CCDC85C: variants seen among roughly 807,000 people sequenced by gnomAD.
CCDC85C encodes coiled-coil domain containing 85C.
In CCDC85C, 18 loss-of-function variants were observed where a neutral mutation model predicts 38.3. The ratio of observed to expected loss-of-function variants is 0.47; its 90% CI spans 0.33 to 0.70. The LOEUF (loss-of-function observed/expected upper bound fraction) is 0.70. CCDC85C is among the 30% of genes least tolerant of loss of function. The probability of loss-of-function intolerance (pLI) is 0.03; values close to 1 mark genes in which losing one functional copy is unlikely to be tolerated. For missense variants in CCDC85C, 566 were observed against 621.2 expected, an observed-to-expected ratio of 0.91 and a Z score of 0.94; for synonymous variants, 264 against 293.8, an observed-to-expected ratio of 0.90 and a Z score of 1.04.
At chr14:99,528,679 C>T (rs944182360) in intron 2 of CCDC85C, among the ~76,000 whole-genome samples, 8 of 152,238 alleles carry the variant, frequency 5.3e-5, no homozygotes, top group African/African-American at 1.2e-4. Context: ...GGGGGATGCA[C>T]GCCCTATCTG....
Position 99,569,689 on chromosome 14 carries a change from T to C in CCDC85C, c.793+33478A>G, listed in dbSNP as rs1391733420. Among the ~76,000 whole-genome samples the C allele has an allele frequency of 1.3e-5, 2 of 152,150 alleles. No homozygotes were observed. Among genetic ancestry groups the C allele is most frequent in the Non-Finnish European group, 2.9e-5 (2 of 68,034 alleles). ...GGCAACCTCATCAGCACTTGAGACA[T>C]TGCTAGTTCTTTGCACCTCTGCTTC... is the stretch of plus-strand genomic sequence containing the variant. On this transcript the variant is annotated intron_variant, in intron 1 of 5. Transcript: ENST00000380243. This position sits in a 1 kb window ranked among gnomAD's most constrained non-coding sequence, Gnocchi z 4.3.
At chr14:99,543,970 C>T (rs1380211145) in intron 1 of CCDC85C, among the ~76,000 whole-genome samples, 5 of 152,200 alleles carry the variant, frequency 3.3e-5, no homozygotes. Flanking sequence ...TCAGCGATGC[C>T]TTCCAGTGCC....
At chr14:99,543,799 G>A (rs79222821) in intron 1 of CCDC85C, among the ~76,000 whole-genome samples, 2,258 of 152,246 alleles carry the variant, frequency 0.015, 45 homozygotes, top group African/African-American at 0.05. Context: ...AATGTGAAAC[G>A]GGCATTATTT....
At chr14:99,573,826 C>A (rs1178039284) in intron 1 of CCDC85C, among the ~76,000 whole-genome samples, 7 of 152,188 alleles carry the variant, frequency 4.6e-5, no homozygotes, top group African/African-American at 1.4e-4. Flanking sequence ...CCCTGCCCTG[C>A]AGAAGCCTGG....
At chr14:99,568,589 G>A (rs4516163) in intron 1 of CCDC85C, among the ~76,000 whole-genome samples, 43,118 of 151,982 alleles carry the variant, frequency 0.28, 6,778 homozygotes, top group East Asian at 0.53. Context: ...AGACGTGGCC[G>A]CTGGACCCAG....
intron 1 of CCDC85C, among the ~76,000 whole-genome samples, chr14:99,601,306 T>C (rs2055196240): frequency 6.6e-6 from 1 of 152,198 alleles, no homozygotes; most frequent in Non-Finnish European, 1.5e-5. Context: ...AACCCTATAC[T>C]TCAACCTCCC....
chr14:99,532,249 CT>C (rs1428112326), intron 2 of CCDC85C, among the ~76,000 whole-genome samples: 16 of 152,230 alleles, frequency 1.1e-4, no homozygotes, highest in Non-Finnish European at 2.4e-4. Context: ...TCAGGGAGGG[CT>C]GCAGACAGGA....
In CCDC85C at chr14:99,510,762, C is replaced by T; in HGVS notation, c.*4484G>A. ...CATGCCTCCAGTTGGGGGGCTGGGG[C>T]GGGCAGCCTGGATGAGATAACGTGA... On this transcript the variant is annotated 3_prime_UTR_variant, in exon 6 of 6. Coordinates refer to ENST00000380243, the MANE Select transcript of CCDC85C (RefSeq NM_001144995.2). 2.1e-6 allele frequency: 3 copies of T among 1,463,046 alleles called. No homozygotes were observed. Among genetic ancestry groups the T allele is most frequent in the Non-Finnish European group, 9.0e-7 (1 of 1,108,874 alleles). The allele number at this position is 1,463,046 out of a possible 1,614,324, so 90.6% of individuals were successfully genotyped here. A position where few individuals can be genotyped will look rare whatever the true frequency, so the allele number is the denominator to read the frequency against.
rs1896870657 is a variant in CCDC85C at position 99,502,883 on chromosome 14, C to G, written c.*12363G>C. 3 of 1,613,356 alleles carry G rather than the reference C, an allele frequency of 1.9e-6. No homozygotes were observed. In the East Asian group the frequency reaches 6.7e-5, roughly 36 times the overall value. On this transcript the variant is annotated 3_prime_UTR_variant, in exon 6 of 6. Transcript: ENST00000380243. ...AAGCTCCGAACCATCCCAGCCCCAGCAGAAGGACCCCCAGCAACCAGCCCA... is the reference window on the plus strand; with the variant it reads ...AAGCTCCGAACCATCCCAGCCCCAGGAGAAGGACCCCCAGCAACCAGCCCA...
rs916069544 is a variant in CCDC85C at position 99,545,569 on chromosome 14, C to T, written c.794-9481G>A. 3.3e-5 allele frequency among the ~76,000 whole-genome samples: 5 copies of T among 152,108 alleles called. No homozygotes were observed. The highest frequency in any genetic ancestry group is 1.2e-4 in the African/African-American group (5 of 41,422). On this transcript the variant is annotated intron_variant, in intron 1 of 5. Coordinates refer to ENST00000380243, the MANE Select transcript of CCDC85C (RefSeq NM_001144995.2). The surrounding 1 kb of genome is among the most constrained non-coding windows in gnomAD (Gnocchi z 4.7). The stretch of plus-strand genomic sequence containing the variant: ...TGGAAATTGACCTGTGTGTGTGAGA[C>T]GGTGGTGCAGGTGTCGGCACTGTTA...
At chr14:99,524,056 G>A (rs1481687569) in intron 2 of CCDC85C, among the ~76,000 whole-genome samples, 2 of 124,014 alleles carry the variant, frequency 1.6e-5, no homozygotes, top group Non-Finnish European at 3.3e-5. Flanking sequence ...TGCCTCTCTG[G>A]GTCACCTCTC....
chr14:99,601,088 C>T (rs112687684), intron 1 of CCDC85C, among the ~76,000 whole-genome samples: 2,302 of 152,306 alleles, frequency 0.015, 44 homozygotes, highest in African/African-American at 0.051. Flanking sequence ...TTCCTGGTTT[C>T]CAAGCCTTCC....
At chr14:99,563,645 G>T (rs1898160283) in intron 1 of CCDC85C, among the ~76,000 whole-genome samples, 1 of 152,252 alleles carries the variant, frequency 6.6e-6, no homozygotes, top group Non-Finnish European at 1.5e-5. Flanking sequence ...CAGGCACCAT[G>T]CTTCCCACGA....
At position 99,571,351 on chromosome 14, in the gene CCDC85C, A is replaced by T. The variant is rs930113089; in HGVS notation, c.793+31816T>A. Among the ~76,000 whole-genome samples the T allele has an allele frequency of 1.4e-4, 21 of 151,772 alleles. 1 individual carries two copies. The highest frequency in any genetic ancestry group is 1.4e-3 in the Admixed American group (21 of 15,238). On this transcript the variant is annotated intron_variant, in intron 1 of 5. Coordinates refer to ENST00000380243, the MANE Select transcript of CCDC85C (RefSeq NM_001144995.2). ...AGCAGCAATAGTAGTAGTAGTAATA[A>T]TAATAATAATAATAATAATGGCTAC... is the stretch of plus-strand genomic sequence containing the variant.
intron 1 of CCDC85C, among the ~76,000 whole-genome samples, chr14:99,575,316 C>T (rs1427371783): frequency 6.6e-6 from 1 of 152,214 alleles, no homozygotes; most frequent in Non-Finnish European, 1.5e-5. Flanking sequence ...GACTCATGAG[C>T]GTGGCTCCTG....
intron 1 of CCDC85C, among the ~76,000 whole-genome samples, chr14:99,547,623 A>C (rs1344486761): frequency 1.3e-5 from 2 of 151,878 alleles, no homozygotes; most frequent in Admixed American, 6.6e-5. Context: ...AAAATACAAA[A>C]ATTAGCTGGG....
chr14:99,557,001 C>A (rs910631909), intron 1 of CCDC85C, among the ~76,000 whole-genome samples: 2 of 151,856 alleles, frequency 1.3e-5, no homozygotes, highest in East Asian at 3.9e-4. Context: ...ACCTTTTGTA[C>A]ATTCTTGCCA....
Position 99,510,313 on chromosome 14 carries a change from C to T in CCDC85C, c.*4933G>A, listed in dbSNP as rs1897094265. ...CCACACCGGCCCCCGCCCCCACCCCCCTCCAGCTACATGACCGGGATGTCC... is the reference window on the plus strand; with the variant it reads ...CCACACCGGCCCCCGCCCCCACCCCTCTCCAGCTACATGACCGGGATGTCC... On this transcript the variant is annotated 3_prime_UTR_variant, in exon 6 of 6. Coordinates refer to ENST00000380243, the MANE Select transcript of CCDC85C (RefSeq NM_001144995.2). 1 of 1,567,650 alleles carries T rather than the reference C, an allele frequency of 6.4e-7. No individual in the cohort carries two copies. Among genetic ancestry groups the T allele is most frequent in the African/African-American group, 1.4e-5 (1 of 73,406 alleles).
intron 1 of CCDC85C, among the ~76,000 whole-genome samples, chr14:99,586,714 T>G (rs570479981): frequency 1.1e-4 from 16 of 152,286 alleles, no homozygotes; most frequent in Non-Finnish European, 5.9e-5. Flanking sequence ...CATGAGCCTC[T>G]CCCTGTCTGA....
Sources: allele counts gnomAD v4.1 joint callset (sites outside exome capture counted in the v4.1 genomes callset), GRCh38; gene constraint gnomAD v4.1.1; non-coding constraint Gnocchi (gnomAD v3.1); transcripts MANE v1.5; gene names NCBI Gene and HGNC (gene_info 2026-07-23, HGNC 2026-07-21).